The following CNNM2 variants were observed in gnomAD, a reference collection of about 807,000 sequenced individuals.
The protein encoded by CNNM2 is cyclin and CBS domain divalent metal cation transport mediator 2.
Under a neutral mutation model 66.9 loss-of-function variants are expected in CNNM2, and 12 were observed. That is an observed-to-expected ratio of 0.18 (90% CI 0.11 to 0.29). The LOEUF (loss-of-function observed/expected upper bound fraction) is 0.29. Ranked by LOEUF, CNNM2 falls within the 10% of genes least tolerant of loss-of-function variation. The pLI is 1.00. For synonymous variants in CNNM2, 557 were observed against 501.8 expected (o/e 1.11, Z -1.47); for missense variants, 705 against 1,167.7 (o/e 0.60, Z 5.77).
At chr10:102,927,579 A>G in intron 1 of CNNM2, 1 of 880,996 alleles carries the variant, frequency 1.1e-6, no homozygotes, top group Middle Eastern at 3.6e-4. Flanking sequence ...TCTGGCCACC[A>G]TGGTGAAACC....
rs41287478 is a variant in CNNM2 at position 103,056,712 on chromosome 10, T to C, written c.1904-83T>C. The C allele has an allele frequency of 0.065, 85,179 of 1,304,040 alleles. 3,252 individuals carry two copies. Among genetic ancestry groups the C allele is most frequent in the Middle Eastern group, 0.092 (492 of 5,332 alleles). 80.8% of individuals were successfully genotyped at this position (1,304,040 alleles called of 1,614,324 possible). A position where few individuals can be genotyped will look rare whatever the true frequency, so the allele number is the denominator to read the frequency against. On this transcript the variant is annotated intron_variant, in intron 3 of 7. Coordinates refer to ENST00000369878, the MANE Select transcript of CNNM2 (RefSeq NM_017649.5). Reference sequence around the variant, plus strand: ...ATCACTTTGATTCCAAGTATTCTTATCTAAACACCTCAATTACTATTAATA... The same window carrying C: ...ATCACTTTGATTCCAAGTATTCTTACCTAAACACCTCAATTACTATTAATA...
At chr10:103,009,026 C>T (rs1393879041) in intron 1 of CNNM2, among the ~76,000 whole-genome samples, 2 of 152,152 alleles carry the variant, frequency 1.3e-5, no homozygotes, top group African/African-American at 2.4e-5. Context: ...CCTGTAATCC[C>T]AGCACTTTGG....
rs12416441 is a variant in CNNM2, at chr10:102,930,233, A to G, written c.1621+10132A>G. Among the ~76,000 whole-genome samples, 30,897 of 152,136 alleles carry G rather than the reference A, an allele frequency of 0.2. 3,283 individuals carry two copies. Among genetic ancestry groups the G allele is most frequent in the Non-Finnish European group, 0.22 (15,066 of 67,998 alleles). ...ATAATCTTGAAAGCCACATAGCAAT[A>G]TGGGAAAATTTGCACTGATTATTTG... On this transcript the variant is annotated intron_variant, in intron 1 of 7. Transcript: ENST00000369878.
At position 102,995,663 on chromosome 10, in the gene CNNM2, A is replaced by G. The variant is rs533599500; in HGVS notation, c.1622-54044A>G. 3.3e-5 allele frequency among the ~76,000 whole-genome samples: 5 copies of G among 150,874 alleles called. No homozygotes were observed. In the South Asian group the frequency reaches 1.0e-3, roughly 32 times the overall value. ...CTAATTTAATAAACCATGTTAGCTTATTAAAAATGTGTTACGTCTGGTGGG... is the reference window on the plus strand; with the variant it reads ...CTAATTTAATAAACCATGTTAGCTTGTTAAAAATGTGTTACGTCTGGTGGG... On this transcript the variant is annotated intron_variant, in intron 1 of 7. Transcript: ENST00000369878.
chr10:103,011,975 G>GC (rs1469583717), intron 1 of CNNM2, among the ~76,000 whole-genome samples: 1 of 152,098 alleles, frequency 6.6e-6, no homozygotes, highest in Admixed American at 6.6e-5. Flanking sequence ...ACAAGTGTGA[G>GC]CCACCATGCC....
chr10:103,006,690 G>A (rs1300088412), intron 1 of CNNM2, among the ~76,000 whole-genome samples: 3 of 152,138 alleles, frequency 2.0e-5, no homozygotes, highest in African/African-American at 4.8e-5. Context: ...GCAATGGTGC[G>A]ATCTCAGCTT....
intron 1 of CNNM2, among the ~76,000 whole-genome samples, chr10:103,025,906 A>T (rs550616337): frequency 6.6e-6 from 1 of 152,348 alleles, no homozygotes; most frequent in East Asian, 1.9e-4. Flanking sequence ...ATGTGGCGAA[A>T]CTTAATCTCC....
intron 6 of CNNM2, among the ~76,000 whole-genome samples, chr10:103,074,431 T>C (rs2065654325): frequency 6.6e-6 from 1 of 152,238 alleles, no homozygotes; most frequent in Non-Finnish European, 1.5e-5. Context: ...TGCCTTGTTC[T>C]CGTAGAAATG....
rs371434890 is a variant in CNNM2 at position 103,049,783 on chromosome 10, C to T, written c.1698C>T (p.Ile566=). The T allele has an allele frequency of 1.4e-5, 23 of 1,613,546 alleles. No homozygotes were observed. The African/African-American group carries it at 2.5e-4, about 18-fold the overall frequency. ...EGDPFYEVLG[I]VTLEDVIEEI... ...ATCCATTTTATGAAGTTCTGGGAAT[C>T]GTCACCTTAGAAGATGTGATTGAAG... The change falls in exon 2 of 8, where the codon ATC becomes ATT. Residue 566 remains isoleucine, a synonymous_variant. Coordinates refer to ENST00000369878, the MANE Select transcript of CNNM2 (RefSeq NM_017649.5).
intron 1 of CNNM2, among the ~76,000 whole-genome samples, chr10:103,009,710 G>A (rs1590389216): frequency 6.7e-6 from 1 of 149,452 alleles, no homozygotes; most frequent in Non-Finnish European, 1.5e-5. Context: ...TATATTGGGA[G>A]AATGGAGAAC....
At chr10:102,951,790 C>T (rs967855007) in intron 1 of CNNM2, among the ~76,000 whole-genome samples, 3 of 151,482 alleles carry the variant, frequency 2.0e-5, no homozygotes, top group Admixed American at 6.6e-5. Flanking sequence ...AGGTGTGTGC[C>T]GCCATGCCTG....
chr10:102,968,647 CTCAGGCTGG>C (rs2063502612), intron 1 of CNNM2, among the ~76,000 whole-genome samples: 1 of 151,464 alleles, frequency 6.6e-6, no homozygotes, highest in African/African-American at 2.4e-5. Flanking sequence ...CTTGCTCTGC[CTCAGGCTGG>C]TCAGTGGTGC....
chr10:103,018,876 C>T (rs886161571), intron 1 of CNNM2, among the ~76,000 whole-genome samples: 1 of 150,702 alleles, frequency 6.6e-6, no homozygotes, highest in African/African-American at 2.4e-5. Flanking sequence ...CCAGGATGGT[C>T]TCGATCTCCT....
At chr10:103,014,944 C>T (rs2064413327) in intron 1 of CNNM2, among the ~76,000 whole-genome samples, 1 of 151,840 alleles carries the variant, frequency 6.6e-6, no homozygotes, top group Admixed American at 6.6e-5. Context: ...CATTTCAAAA[C>T]ATGCTTACAA....
rs1408305668 is a variant in CNNM2, at chr10:103,086,149, G to A, written c.*8969G>A. ...TGCATGTTTTTCTTCTATCTGCAGG[G>A]TTGCTCTGGTAGCTCCATGGTAGAG... On this transcript the variant is annotated 3_prime_UTR_variant, in exon 8 of 8. Transcript: ENST00000369878. 6.6e-6 allele frequency: 1 copy of A among 152,238 alleles called. No homozygotes were observed. 9.4% of individuals were successfully genotyped at this position (152,238 alleles called of 1,614,324 possible).
At chr10:103,044,632 G>A in intron 1 of CNNM2, among the ~76,000 whole-genome samples, 1 of 152,184 alleles carries the variant, frequency 6.6e-6, no homozygotes, top group East Asian at 1.9e-4. Context: ...GAATGGTTAA[G>A]TGGGAAGGTG....
rs766418913 is a variant in CNNM2, at chr10:102,919,131, C to T, written c.651C>T (p.Gly217=). The change falls in exon 1 of 8, where the codon GGC becomes GGT. Residue 217 remains glycine, a synonymous_variant. Transcript: ENST00000369878. ...GTGGCGCCGTCGGGGGCAAGGGTGG[C>T]TCGGGGGTGGCCGGGCTCCCGCCGC... The part of the protein sequence containing the change: ...STGGAVGGKG[G]SGVAGLPPPP... The T allele has an allele frequency of 5.6e-6, 9 of 1,610,702 alleles. No homozygotes were observed. Among genetic ancestry groups the T allele is most frequent in the South Asian group, 1.1e-5 (1 of 91,062 alleles).
chr10:103,048,117 G>T (rs569000059), intron 1 of CNNM2, among the ~76,000 whole-genome samples: 62 of 150,766 alleles, frequency 4.1e-4, no homozygotes, highest in African/African-American at 1.4e-3. Context: ...TAGAGACAGG[G>T]TTTCACCATG....
At chr10:102,931,117 T>G (rs533026948) in intron 1 of CNNM2, among the ~76,000 whole-genome samples, 2 of 152,308 alleles carry the variant, frequency 1.3e-5, no homozygotes, top group South Asian at 2.1e-4. Context: ...CTGAGCAACT[T>G]AAAAGTGTGT....
Sources: allele counts gnomAD v4.1 joint callset (sites outside exome capture counted in the v4.1 genomes callset), GRCh38; gene constraint gnomAD v4.1.1; transcripts MANE v1.5; gene names NCBI Gene and HGNC (gene_info 2026-07-23, HGNC 2026-07-21).